PKNOX1: variants seen among roughly 807,000 people sequenced by gnomAD.
The protein encoded by PKNOX1 is homeobox protein PKNOX1.
In PKNOX1, 15 loss-of-function variants were observed where a neutral mutation model predicts 51.9. The observed-to-expected ratio is 0.29, with a 90% confidence interval of 0.19 to 0.45. PKNOX1 has a LOEUF of 0.45. Ranked by LOEUF, PKNOX1 falls within the 20% of genes least tolerant of loss-of-function variation. PKNOX1 has a pLI of 1.00. For synonymous variants in PKNOX1, 219 were observed against 211.1 expected, an observed-to-expected ratio of 1.04 and a Z score of -0.32; for missense variants, 462 against 547.5, an observed-to-expected ratio of 0.84 and a Z score of 1.56.
chr21:42,979,751 GAAAAA>G (rs1453872052), intron 1 of PKNOX1, among the ~76,000 whole-genome samples: 1 of 139,858 alleles, frequency 7.2e-6, no homozygotes, highest in African/African-American at 2.5e-5. Flanking sequence ...CAGAAAAAAA[GAAAAA>G]AGAAAAATGA....
chr21:42,988,065 TG>T (rs112221398), intron 1 of PKNOX1, among the ~76,000 whole-genome samples: 81,292 of 150,480 alleles, frequency 0.54, 22,011 homozygotes, highest in Middle Eastern at 0.66. Context: ...TTTTTGTTTT[TG>T]TTTTTGAGAC....
At chr21:42,977,275 G>C (rs1261751512) in intron 1 of PKNOX1, among the ~76,000 whole-genome samples, 1 of 152,172 alleles carries the variant, frequency 6.6e-6, no homozygotes, top group African/African-American at 2.4e-5. Context: ...TAACAAGAGA[G>C]CCAGCTTGCC....
intron 1 of PKNOX1, among the ~76,000 whole-genome samples, chr21:42,975,701 G>T (rs573269083): frequency 1.2e-4 from 19 of 152,350 alleles, no homozygotes; most frequent in African/African-American, 4.3e-4. Context: ...TCCTGAGGTC[G>T]GGCCCAGGGC....
chr21:43,015,881 T>C (rs1392010014), intron 5 of PKNOX1, among the ~76,000 whole-genome samples: 1 of 152,162 alleles, frequency 6.6e-6, no homozygotes, highest in Non-Finnish European at 1.5e-5. Flanking sequence ...TTTTGTTTTA[T>C]TGATTTTTTT....
chr21:42,990,514 G>A (rs1159002118), intron 1 of PKNOX1, among the ~76,000 whole-genome samples: 1 of 152,132 alleles, frequency 6.6e-6, no homozygotes, highest in Non-Finnish European at 1.5e-5. Flanking sequence ...CTGTGGAGTA[G>A]GGAAGGGGCA....
Position 43,033,118 on chromosome 21 carries a change from T to C in PKNOX1, c.*3017T>C, listed in dbSNP as rs567884745. ...GTTGCTGTTATTCCTGCCCTGCACC[T>C]GTGGAGCAGGAGTGGCAGGGCTGGC... On this transcript the variant is annotated 3_prime_UTR_variant, in exon 11 of 11. Coordinates refer to ENST00000291547, the MANE Select transcript of PKNOX1 (RefSeq NM_004571.5). 1.3e-5 allele frequency: 2 copies of C among 152,256 alleles called. No individual in the cohort carries two copies. The highest frequency in any genetic ancestry group is 2.9e-5 in the Non-Finnish European group (2 of 68,044). The allele number at this position is 152,256 out of a possible 1,614,324, so 9.4% of individuals were successfully genotyped here.
chr21:43,006,532 T>G (rs1004463244), intron 2 of PKNOX1, among the ~76,000 whole-genome samples: 5 of 152,200 alleles, frequency 3.3e-5, no homozygotes, highest in African/African-American at 1.2e-4. Flanking sequence ...ATAAACAGTT[T>G]TCCTAATATG....
At chr21:42,990,234 G>A (rs568275984) in intron 1 of PKNOX1, among the ~76,000 whole-genome samples, 3 of 152,204 alleles carry the variant, frequency 2.0e-5, no homozygotes, top group East Asian at 3.9e-4. Flanking sequence ...ACTCCAGCCC[G>A]GGTGACAGAG....
At chr21:42,999,666 A>G (rs13046666) in intron 1 of PKNOX1, among the ~76,000 whole-genome samples, 5,765 of 152,042 alleles carry the variant, frequency 0.038, 136 homozygotes, top group Middle Eastern at 0.061. Flanking sequence ...TTTTTAGTAG[A>G]GACGGGGTTT....
chr21:43,018,396 C>T (rs937477562), intron 7 of PKNOX1, among the ~76,000 whole-genome samples, 166 bp downstream of exon 7: 3 of 151,216 alleles, frequency 2.0e-5, no homozygotes, highest in Admixed American at 6.6e-5. Flanking sequence ...TCTTATCTCT[C>T]GCATTGTAGA....
rs571172739 is a variant in PKNOX1 at position 42,993,535 on chromosome 21, T to G, written c.-56-10791T>G. On this transcript the variant is annotated intron_variant, in intron 1 of 10. Coordinates refer to ENST00000291547, the MANE Select transcript of PKNOX1 (RefSeq NM_004571.5). The stretch of plus-strand genomic sequence containing the variant: ...CAATTCTAAAACTTTTTTTTTTTTT[T>G]CACAATTCTAAAACTTTATGCATTT... Among the ~76,000 whole-genome samples, 54 of 151,920 alleles carry G rather than the reference T, an allele frequency of 3.6e-4. 1 individual carries two copies. The highest frequency in any genetic ancestry group is 1.1e-3 in the African/African-American group (46 of 41,414).
In PKNOX1 at chr21:42,987,580, T is replaced by A. The variant is rs2059060982; in HGVS notation, c.-57+12916T>A. On this transcript the variant is annotated intron_variant, in intron 1 of 10. Transcript: ENST00000291547. ...GCCTATGGGCCAGATCCCACTGACC[T>A]TTTTTTTGTATGGCCCTAGGGCTGA... 4.0e-5 allele frequency among the ~76,000 whole-genome samples: 6 copies of A among 149,550 alleles called. No individual in the cohort carries two copies. In the South Asian group the frequency reaches 1.1e-3, roughly 26 times the overall value.
At chr21:42,992,305 G>A (rs927511188) in intron 1 of PKNOX1, among the ~76,000 whole-genome samples, 1 of 152,226 alleles carries the variant, frequency 6.6e-6, no homozygotes, top group African/African-American at 2.4e-5. Context: ...CTGTGTAGAA[G>A]AAATAGCAGG....
chr21:42,983,402 T>C (rs900395982), intron 1 of PKNOX1, among the ~76,000 whole-genome samples: 1 of 152,216 alleles, frequency 6.6e-6, no homozygotes, highest in Non-Finnish European at 1.5e-5. Flanking sequence ...TTTGTCTTTT[T>C]GTGACCAGCT....
intron 5 of PKNOX1, among the ~76,000 whole-genome samples, chr21:43,014,329 C>T (rs972036922): frequency 2.7e-5 from 4 of 150,064 alleles, no homozygotes; most frequent in African/African-American, 4.8e-5. Context: ...CCGTCTTTTG[C>T]GCATTTTTTA....
At chr21:42,987,394 A>T (rs1426228068) in intron 1 of PKNOX1, among the ~76,000 whole-genome samples, 5 of 95,072 alleles carry the variant, frequency 5.3e-5, no homozygotes, top group African/African-American at 1.7e-4. Flanking sequence ...AAAAAAAAAA[A>T]AAAAAAAAAA....
rs190935765 is a variant in PKNOX1 at position 43,016,871 on chromosome 21, C to T, written c.523-37C>T. The T allele has an allele frequency of 4.1e-4, 563 of 1,370,074 alleles. 3 individuals carry two copies. In the African/African-American group the frequency reaches 7.2e-3, roughly 17 times the overall value. The allele number at this position is 1,370,074 out of a possible 1,614,324, so 84.9% of individuals were successfully genotyped here. On this transcript the variant is annotated intron_variant, in intron 5 of 10. Coordinates refer to ENST00000291547, the MANE Select transcript of PKNOX1 (RefSeq NM_004571.5). Reference sequence around the variant, plus strand: ...GTTTTAAACATGGGTTTTCCGTTTTCTAGTAATTCCTTCAACATGTGTGTT... The same window carrying T: ...GTTTTAAACATGGGTTTTCCGTTTTTTAGTAATTCCTTCAACATGTGTGTT...
intron 1 of PKNOX1, among the ~76,000 whole-genome samples, chr21:42,984,879 C>T (rs1251790130): frequency 1.5e-5 from 2 of 135,294 alleles, no homozygotes; most frequent in African/African-American, 2.8e-5. Flanking sequence ...GCCAGTTCCA[C>T]AGTGCTGTGT....
intron 2 of PKNOX1, among the ~76,000 whole-genome samples, chr21:43,005,561 TCTAATAATGTCC>T (rs1978950888): frequency 6.6e-6 from 1 of 150,446 alleles, no homozygotes; most frequent in Non-Finnish European, 1.5e-5. Flanking sequence ...AAAATGCAAA[TCTAATAATGTCC>T]CGCCTGAGCT....
Sources: allele counts gnomAD v4.1 joint callset (sites outside exome capture counted in the v4.1 genomes callset), GRCh38; gene constraint gnomAD v4.1.1; transcripts MANE v1.5; gene names NCBI Gene and HGNC (gene_info 2026-07-23, HGNC 2026-07-21).